NRG1: variants seen among roughly 807,000 people sequenced by gnomAD.
NRG1 encodes pro-neuregulin-1, membrane-bound isoform.
NRG1 carries 18 observed loss-of-function variants against 63.8 expected under a neutral mutation model. That is an observed-to-expected ratio of 0.28 (90% CI 0.19 to 0.42). The LOEUF (loss-of-function observed/expected upper bound fraction) is 0.42, where lower values mean the gene tolerates loss of function less well. NRG1 is among the 10% of genes least tolerant of loss of function. The pLI, the probability that NRG1 is intolerant of heterozygous loss-of-function variation, is 1.00. For synonymous variants in NRG1, 302 were observed against 301.3 expected, an observed-to-expected ratio of 1.00 and a Z score of -0.02; for missense variants, 762 against 814.7, an observed-to-expected ratio of 0.94 and a Z score of 0.79.
At chr8:31,903,877 C>T (rs1463168996) in intron 1 of NRG1, among the ~76,000 whole-genome samples, 1 of 152,022 alleles carries the variant, frequency 6.6e-6, no homozygotes, top group Non-Finnish European at 1.5e-5. Flanking sequence ...ATCATTTGAA[C>T]CCTGCAGAGG....
rs1219298602 is a variant in NRG1 at position 31,729,581 on chromosome 8, A to C, written c.37+90150A>C. On this transcript the variant is annotated intron_variant, in intron 1 of 10. Coordinates refer to the NRG1 transcript ENST00000519301. ...AAAAACTTGGTTTTCTCCAGTACTC[A>C]CTCTTATCAAGGAGGAAAAAGGCCC... is the stretch of plus-strand genomic sequence containing the variant. Among the ~76,000 whole-genome samples, 4 of 152,032 alleles carry C rather than the reference A, an allele frequency of 2.6e-5. No individual in the cohort carries two copies. In the South Asian group the frequency reaches 6.2e-4, roughly 24 times the overall value.
At chr8:32,609,563 CTT>C (rs1487903499) in intron 3 of NRG1, among the ~76,000 whole-genome samples, 14 of 77,872 alleles carry the variant, frequency 1.8e-4, no homozygotes, top group African/African-American at 9.4e-4. Flanking sequence ...TCCTTCCTTC[CTT>C]CCTTCCTTCC....
intron 1 of NRG1, among the ~76,000 whole-genome samples, chr8:32,331,719 A>G (rs1273499645): frequency 6.6e-6 from 1 of 152,196 alleles, no homozygotes; most frequent in East Asian, 1.9e-4. Context: ...TGACTGGGTT[A>G]GGGGGTGGTT....
Position 32,756,065 on chromosome 8 carries a change from A to G in NRG1, c.795-338A>G, listed in dbSNP as rs532775868. 1.1e-4 allele frequency among the ~76,000 whole-genome samples: 17 copies of G among 152,284 alleles called. No individual in the cohort carries two copies. In the South Asian group the frequency reaches 3.5e-3, roughly 32 times the overall value. ...CCCAGCACAAATTATTATCTAAGAC[A>G]AATAAGTGTCCATTTGTAAGACTTA... is the stretch of plus-strand genomic sequence containing the variant. On this transcript the variant is annotated intron_variant, in intron 8 of 11. Transcript: ENST00000356819.
intron 1 of NRG1, among the ~76,000 whole-genome samples, chr8:31,945,776 T>C (rs575297590): frequency 1.3e-5 from 2 of 152,302 alleles, no homozygotes; most frequent in East Asian, 1.9e-4. Flanking sequence ...GCTGGCCCTT[T>C]CCCAACCTGA....
At chr8:31,647,800 G>T (rs1804432902) in intron 1 of NRG1, among the ~76,000 whole-genome samples, 1 of 152,146 alleles carries the variant, frequency 6.6e-6, no homozygotes, top group Non-Finnish European at 1.5e-5. Flanking sequence ...GTCACATCTT[G>T]TCCTCAGGAA....
chr8:31,914,337 C>G (rs1267759122), intron 1 of NRG1, among the ~76,000 whole-genome samples: 3 of 150,050 alleles, frequency 2.0e-5, no homozygotes, highest in African/African-American at 7.3e-5. Context: ...TTGTTAAAAT[C>G]CTGTGCAGCT....
intron 1 of NRG1, among the ~76,000 whole-genome samples, chr8:31,777,044 C>T (rs899994312): frequency 2.0e-5 from 3 of 152,120 alleles, no homozygotes; most frequent in African/African-American, 7.2e-5. Context: ...TGGCACTATT[C>T]ACAATAGCGA....
intron 5 of NRG1, among the ~76,000 whole-genome samples, chr8:32,709,320 A>G (rs1244453422): frequency 6.6e-6 from 1 of 152,152 alleles, no homozygotes; most frequent in Non-Finnish European, 1.5e-5. Flanking sequence ...GTAAATAGAA[A>G]ATTCTGTGAT....
At chr8:32,226,662 C>T (rs1471866849) in intron 1 of NRG1, among the ~76,000 whole-genome samples, 1 of 152,088 alleles carries the variant, frequency 6.6e-6, no homozygotes, top group Non-Finnish European at 1.5e-5. Context: ...ATTTTTGGCC[C>T]ATGGCTCTTT....
At chr8:32,434,390 G>C (rs1818531512) in intron 1 of NRG1, among the ~76,000 whole-genome samples, 1 of 152,022 alleles carries the variant, frequency 6.6e-6, no homozygotes, top group South Asian at 2.1e-4. Context: ...AAATATGTAG[G>C]ATTATCCAGA....
chr8:32,489,259 G>A lies in NRG1; in HGVS notation c.38-106569G>A, dbSNP rs74687373. ...CACATGCTCACCTGAGGCGTTCTTCGGGTGAATGCCCCCAGAAAGTCATGT... is the reference window on the plus strand; with the variant it reads ...CACATGCTCACCTGAGGCGTTCTTCAGGTGAATGCCCCCAGAAAGTCATGT... On this transcript the variant is annotated intron_variant, in intron 1 of 10. Transcript: ENST00000519301. 3.8e-3 allele frequency among the ~76,000 whole-genome samples: 575 copies of A among 152,212 alleles called. 5 individuals are homozygous for A. The highest frequency in any genetic ancestry group is 0.013 in the African/African-American group (544 of 41,538).
intron 5 of NRG1, among the ~76,000 whole-genome samples, chr8:32,689,709 A>G (rs1811091796): frequency 1.3e-5 from 2 of 152,266 alleles, no homozygotes; most frequent in South Asian, 4.1e-4. Context: ...ATACATATAC[A>G]TATTTATACA....
At chr8:32,361,816 T>TA (rs1479522972) in intron 1 of NRG1, among the ~76,000 whole-genome samples, 1 of 152,216 alleles carries the variant, frequency 6.6e-6, no homozygotes, top group African/African-American at 2.4e-5. Context: ...GCCTCAGTAA[T>TA]ACACAGTTTT....
intron 2 of NRG1, among the ~76,000 whole-genome samples, chr8:32,605,321 AACT>A (rs1358208238): frequency 2.0e-5 from 3 of 152,154 alleles, no homozygotes; most frequent in Non-Finnish European, 4.4e-5. Context: ...AATTCCTTTA[AACT>A]ACTGATTTAG....
At chr8:31,728,251 G>A (rs181379457) in intron 1 of NRG1, among the ~76,000 whole-genome samples, 1 of 152,158 alleles carries the variant, frequency 6.6e-6, no homozygotes, top group Non-Finnish European at 1.5e-5. Flanking sequence ...ATCATCTGAG[G>A]TCAGGAGTTT....
chr8:32,156,953 G>C (rs1221610996), intron 1 of NRG1, among the ~76,000 whole-genome samples: 2 of 151,982 alleles, frequency 1.3e-5, no homozygotes, highest in Non-Finnish European at 2.9e-5. Flanking sequence ...AAAGTTCTAG[G>C]ATATTGGAGT....
At chr8:31,701,331 T>C (rs1485089083) in intron 1 of NRG1, among the ~76,000 whole-genome samples, 1 of 152,148 alleles carries the variant, frequency 6.6e-6, no homozygotes, top group Non-Finnish European at 1.5e-5. Context: ...CATTTCTCAC[T>C]CTTGTGAGCA....
chr8:31,831,252 C>G lies in NRG1; in HGVS notation c.37+191821C>G, dbSNP rs190478013. On this transcript the variant is annotated intron_variant, in intron 1 of 10. Coordinates refer to the NRG1 transcript ENST00000519301. Reference sequence around the variant, plus strand: ...GAGCAGCTGGTATTACAGGCACACACCACCATGCCCGGCTAATTTTTTTTG... The same window carrying G: ...GAGCAGCTGGTATTACAGGCACACAGCACCATGCCCGGCTAATTTTTTTTG... 2.5e-3 allele frequency among the ~76,000 whole-genome samples: 374 copies of G among 152,114 alleles called. 3 individuals carry two copies. The highest frequency in any genetic ancestry group is 8.7e-3 in the African/African-American group (363 of 41,486).
Sources: allele counts gnomAD v4.1 joint callset (sites outside exome capture counted in the v4.1 genomes callset), GRCh38; gene constraint gnomAD v4.1.1; transcripts MANE v1.5; gene names NCBI Gene and HGNC (gene_info 2026-07-23, HGNC 2026-07-21).